CFI: variants seen among roughly 807,000 people sequenced by gnomAD.
CFI encodes the protein complement factor I, also known as C3B/C4B inactivator.
A neutral mutation model predicts 78.8 loss-of-function variants in CFI; 66 were observed. The ratio of observed to expected loss-of-function variants is 0.84; its 90% CI spans 0.69 to 1.03. CFI has a LOEUF of 1.03. Ranked by LOEUF, CFI falls within the 50% of genes least tolerant of loss-of-function variation. CFI has a pLI of 0.00. For synonymous variants in CFI, 250 were observed against 232.6 expected (o/e 1.07, Z -0.68); for missense variants, 706 against 704.5 (o/e 1.00, Z -0.02).
At chr4:109,731,618 A>G in the CFI span, among the ~76,000 whole-genome samples, 2 of 152,188 alleles carry the variant, frequency 1.3e-5, no homozygotes, top group Non-Finnish European at 2.9e-5. Context: ...ATTCCTCCCT[A>G]CAAACAGGGT....
At chr4:109,769,971 C>T (rs1425058115) in intron 1 of CFI, among the ~76,000 whole-genome samples, 1 of 152,176 alleles carries the variant, frequency 6.6e-6, no homozygotes, top group Middle Eastern at 3.2e-3. Context: ...TCAAGCACTC[C>T]AAGGGAACCT....
chr4:109,772,758 T>C (rs1728756113), intron 1 of CFI, among the ~76,000 whole-genome samples: 1 of 152,104 alleles, frequency 6.6e-6, no homozygotes, highest in African/African-American at 2.4e-5. Context: ...ATTTTAAAAA[T>C]ATTTTTGTAG....
intron 1 of CFI, among the ~76,000 whole-genome samples, chr4:109,772,771 A>G (rs758495639): frequency 2.0e-5 from 3 of 152,030 alleles, no homozygotes; most frequent in Non-Finnish European, 1.5e-5. Context: ...TTTTGTAGAG[A>G]TGGGGCCTCA....
At chr4:109,775,565 T>G (rs1454396624) in intron 1 of CFI, among the ~76,000 whole-genome samples, 1 of 152,176 alleles carries the variant, frequency 6.6e-6, no homozygotes, top group Non-Finnish European at 1.5e-5. Flanking sequence ...AGACTCCACC[T>G]CTGGGGGCAG....
At chr4:109,799,798 A>G (rs1389607285) in intron 1 of CFI, among the ~76,000 whole-genome samples, 1 of 152,204 alleles carries the variant, frequency 6.6e-6, no homozygotes, top group Admixed American at 6.5e-5. Flanking sequence ...TAATAAACCA[A>G]AATTTGTTGT....
In CFI at chr4:109,766,632, T is replaced by A; in HGVS notation, c.250A>T (p.Thr84Ser). 1 of 1,614,230 alleles carries A rather than the reference T, an allele frequency of 6.2e-7. No homozygotes were observed. Among genetic ancestry groups the A allele is most frequent in the Admixed American group, 1.7e-5 (1 of 60,024 alleles). Residue 84 changes from threonine (T) to serine (S), a missense_variant, in exon 2 of 13, where the codon ACA (threonine) becomes TCA (serine). Coordinates refer to ENST00000394634, the MANE Select transcript of CFI (RefSeq NM_000204.5). Reference sequence around the variant, plus strand: ...TCCAAACTCTTTTGTTGACAGTATGTTGGGAAGCTTCTCCTGTTAGTTGCA... The same window carrying A: ...TCCAAACTCTTTTGTTGACAGTATGATGGGAAGCTTCTCCTGTTAGTTGCA... The part of the protein sequence containing the change: ...VCATNRRSFP[T>S]YCQQKSLECL...
chr4:109,797,987 A>C (rs879695917), intron 1 of CFI, among the ~76,000 whole-genome samples: 2 of 152,202 alleles, frequency 1.3e-5, no homozygotes, highest in Non-Finnish European at 2.9e-5. Context: ...CATGCAATGA[A>C]ATATTATTTG....
intron 3 of CFI, among the ~76,000 whole-genome samples, chr4:109,764,151 T>C (rs898703938): frequency 6.6e-6 from 1 of 151,164 alleles, no homozygotes; most frequent in Non-Finnish European, 1.5e-5. Flanking sequence ...TTATACTCAC[T>C]GTATAGTTTA....
At chr4:109,798,767 G>A (rs1184935317) in intron 1 of CFI, among the ~76,000 whole-genome samples, 2 of 151,532 alleles carry the variant, frequency 1.3e-5, no homozygotes, top group Non-Finnish European at 2.9e-5. Flanking sequence ...TTTGTTTGAT[G>A]ACTTTTCTAA....
chr4:109,761,463 G>T, intron 4 of CFI, 54 bp downstream of exon 4: 2 of 1,527,174 alleles, frequency 1.3e-6, no homozygotes, highest in Non-Finnish European at 1.8e-6. Context: ...TAGGCTTGGT[G>T]TAAAATAAAC....
In CFI at chr4:109,746,377, G is replaced by A. The variant is rs41308281; in HGVS notation, c.1274C>T (p.Thr425Ile). 2 of 1,614,090 alleles carry A rather than the reference G, an allele frequency of 1.2e-6. No homozygotes were observed. The highest frequency in any genetic ancestry group is 1.7e-6 in the Non-Finnish European group (2 of 1,180,018). Residue 425 changes from threonine to isoleucine, a missense_variant, in exon 11 of 13, where the codon ACT becomes ATT. Physicochemically the swap from Thr to Ile is moderately conservative, Grantham distance 89 (BLOSUM62 -1). Transcript: ENST00000394634. ...IIFHENYNAG[T>I]YQNDIALIEM... ...AATCAAAGCGATGTCATTTTGGTAA[G>A]TGCCTGCATTGTAGTTTTCATGGAA...
At chr4:109,742,718 G>T in intron 11 of CFI, 123 bp from the exon 12 acceptor site, 1 of 678,312 alleles carries the variant, frequency 1.5e-6, no homozygotes, top group African/African-American at 1.8e-5. Context: ...ATAAATTTTT[G>T]AGAACTCTTC....
chr4:109,771,401 A>T (rs1402650222), intron 1 of CFI, among the ~76,000 whole-genome samples: 3 of 120,702 alleles, frequency 2.5e-5, no homozygotes, highest in Non-Finnish European at 4.8e-5. Flanking sequence ...TACTAAAAAT[A>T]AAAAAAAAAA....
chr4:109,733,297 C>T, the CFI span, among the ~76,000 whole-genome samples: 1 of 152,186 alleles, frequency 6.6e-6, no homozygotes, highest in African/African-American at 2.4e-5. Context: ...CTAGATGACC[C>T]ACTTCCATCT....
chr4:109,767,088 C>G (rs1196403296), intron 1 of CFI, among the ~76,000 whole-genome samples: 1 of 152,150 alleles, frequency 6.6e-6, no homozygotes, highest in African/African-American at 2.4e-5. Context: ...ATGGAGAAAG[C>G]TGAAACTGGA....
Position 109,760,374 on chromosome 4 carries a change from T to G in CFI, c.779A>C (p.Gln260Pro). Residue 260 changes from glutamine (Q) to proline (P), a missense_variant, in exon 6 of 13, where the codon CAA becomes CCA. Physicochemically the swap from Gln to Pro is moderately conservative, Grantham distance 76. Transcript: ENST00000394634. The stretch of plus-strand genomic sequence containing the variant: ...CGATTTGCAATGGAAGCCTTTGCCT[T>G]GGCATGCTGTGCAAACATAAGCAGG... The part of the protein sequence containing the change: ...QSDELCCKAC[Q>P]GKGFHCKSGV... 1.2e-6 allele frequency: 2 copies of G among 1,612,220 alleles called. No homozygotes were observed. Among genetic ancestry groups the G allele is most frequent in the Non-Finnish European group, 1.7e-6 (2 of 1,178,252 alleles).
downstream of CFI, among the ~76,000 whole-genome samples, chr4:109,736,660 A>G (rs1354078255): frequency 6.6e-6 from 1 of 152,178 alleles, no homozygotes; most frequent in Non-Finnish European, 1.5e-5. Flanking sequence ...TGCACAATGT[A>G]AGATTGCTTG....
At position 109,742,613 on chromosome 4, in the gene CFI, G is replaced by T; in HGVS notation, c.1430-18C>A. On this transcript the variant is annotated intron_variant, in intron 11 of 12. Coordinates refer to ENST00000394634, the MANE Select transcript of CFI (RefSeq NM_000204.5). ...TTCGTTATCTAAACAAAGTGAGAAA[G>T]CAAACATTTAGAAGTCACAAATGAG... The T allele has an allele frequency of 6.7e-7, 1 of 1,492,374 alleles. No homozygotes were observed. Among genetic ancestry groups the T allele is most frequent in the Non-Finnish European group, 9.3e-7 (1 of 1,069,694 alleles). 92.4% of individuals were successfully genotyped at this position (1,492,374 alleles called of 1,614,324 possible).
At chr4:109,762,893 T>C (rs1727262772) in intron 3 of CFI, among the ~76,000 whole-genome samples, 1 of 152,156 alleles carries the variant, frequency 6.6e-6, no homozygotes, top group Admixed American at 6.6e-5. Context: ...TTATGCAAAA[T>C]ATAAGAGCAA....
Sources: allele counts gnomAD v4.1 joint callset (sites outside exome capture counted in the v4.1 genomes callset), GRCh38; gene constraint gnomAD v4.1.1; transcripts MANE v1.5; gene names NCBI Gene and HGNC (gene_info 2026-07-23, HGNC 2026-07-21).